The following COLGALT2 variants were observed in gnomAD, a reference collection of about 807,000 sequenced individuals.
The protein encoded by COLGALT2 is procollagen galactosyltransferase 2.
Under a neutral mutation model 73.4 loss-of-function variants are expected in COLGALT2, and 49 were observed. That is an observed-to-expected ratio of 0.67 (90% CI 0.53 to 0.85). COLGALT2 has a LOEUF of 0.85. Ranked by LOEUF, COLGALT2 falls within the 40% of genes least tolerant of loss-of-function variation. COLGALT2 has a pLI of 0.00. For missense variants in COLGALT2, 722 were observed against 790.2 expected, an observed-to-expected ratio of 0.91 and a Z score of 1.03; for synonymous variants, 295 against 307.6, an observed-to-expected ratio of 0.96 and a Z score of 0.43.
chr1:183,972,120 CT>C (rs909462165), intron 4 of COLGALT2, among the ~76,000 whole-genome samples: 1 of 152,152 alleles, frequency 6.6e-6, no homozygotes, highest in African/African-American at 2.4e-5. Flanking sequence ...CATACTCCCT[CT>C]TTTTTTGAGA....
chr1:183,965,815 G>C (rs6657956), intron 5 of COLGALT2, among the ~76,000 whole-genome samples: 32,301 of 152,082 alleles, frequency 0.21, 3,549 homozygotes, highest in Admixed American at 0.25. Context: ...ACTAATCATA[G>C]CCTATGAATG....
At chr1:183,948,838 A>T (rs1670316968) in intron 8 of COLGALT2, among the ~76,000 whole-genome samples, 1 of 152,206 alleles carries the variant, frequency 6.6e-6, no homozygotes, top group African/African-American at 2.4e-5. Flanking sequence ...ATATACACAC[A>T]CAAAGGAAAA....
intron 6 of COLGALT2, among the ~76,000 whole-genome samples, chr1:183,956,808 T>C (rs1278468220): frequency 5.9e-5 from 9 of 152,136 alleles, no homozygotes; most frequent in Admixed American, 5.9e-4. Context: ...AGAAGTGTGC[T>C]TGGGTTTTGC....
intron 1 of COLGALT2, among the ~76,000 whole-genome samples, chr1:184,000,783 C>T (rs1370534045): frequency 6.6e-6 from 1 of 150,696 alleles, no homozygotes; most frequent in Non-Finnish European, 1.5e-5. Flanking sequence ...GGAAGTGTTG[C>T]TAGGTGTACA....
chr1:183,945,477 C>G lies in COLGALT2; in HGVS notation c.1224G>C (p.Arg408Ser). 6.2e-7 allele frequency: 1 copy of G among 1,614,196 alleles called. No individual in the cohort carries two copies. Among genetic ancestry groups the G allele is most frequent in the Non-Finnish European group, 8.5e-7 (1 of 1,180,034 alleles). ...GGCTGAGAAAGCAGCCGATTTCACC[C>G]CTTGTTAGAGGCCTGGAGGAATAGG... is the stretch of plus-strand genomic sequence containing the variant. ...RDPYSSRPLT[R>S]GEIGCFLSHY... Residue 408 changes from arginine to serine, a missense_variant, in exon 9 of 12, where the codon AGG (arginine) becomes AGC (serine). By Grantham distance (110) the Arg-to-Ser change is moderately radical. Coordinates refer to ENST00000361927, the MANE Select transcript of COLGALT2 (RefSeq NM_015101.4).
chr1:184,030,042 G>A (rs1649458415), intron 1 of COLGALT2, among the ~76,000 whole-genome samples: 1 of 152,222 alleles, frequency 6.6e-6, no homozygotes, highest in Non-Finnish European at 1.5e-5. Flanking sequence ...AGGTGGTATA[G>A]AGTAGATGGG....
intron 2 of COLGALT2, among the ~76,000 whole-genome samples, chr1:183,975,804 C>T (rs1157347762): frequency 6.6e-6 from 1 of 152,206 alleles, no homozygotes; most frequent in Non-Finnish European, 1.5e-5. Context: ...TTCATGGCCA[C>T]ATAGGCAAGT....
chr1:183,951,768 T>G (rs930981191), intron 7 of COLGALT2, among the ~76,000 whole-genome samples: 9 of 152,350 alleles, frequency 5.9e-5, no homozygotes, highest in Middle Eastern at 3.4e-3. Flanking sequence ...ATGTCCATAC[T>G]ATCAAATGTG....
chr1:183,997,272 A>C (rs2102835362), intron 1 of COLGALT2, among the ~76,000 whole-genome samples: 1 of 152,054 alleles, frequency 6.6e-6, no homozygotes, highest in Middle Eastern at 3.4e-3. Flanking sequence ...TATATGTCTT[A>C]CTATAAATTT....
At chr1:183,957,689 G>A (rs1384702888) in intron 6 of COLGALT2, among the ~76,000 whole-genome samples, 2 of 151,238 alleles carry the variant, frequency 1.3e-5, no homozygotes, top group East Asian at 1.9e-4. Context: ...AACTGTAACA[G>A]TCACACTCAA....
chr1:183,964,109 T>C, intron 5 of COLGALT2, 89 bp from the exon 6 acceptor site: 1 of 1,429,542 alleles, frequency 7.0e-7, no homozygotes, highest in Non-Finnish European at 9.6e-7. Context: ...CTGTGTCTGA[T>C]GCTGAGTTTG....
intron 2 of COLGALT2, among the ~76,000 whole-genome samples, chr1:183,976,164 G>T (rs1402725345): frequency 6.6e-6 from 1 of 151,956 alleles, no homozygotes; most frequent in Admixed American, 6.6e-5. Context: ...AAACCTGGCT[G>T]CAGAGAACAT....
At chr1:183,964,777 T>C (rs1256903295) in intron 5 of COLGALT2, among the ~76,000 whole-genome samples, 2 of 152,144 alleles carry the variant, frequency 1.3e-5, no homozygotes, top group African/African-American at 2.4e-5. Flanking sequence ...GCTAGAAATA[T>C]AGGAATCAGG....
Position 183,938,650 on chromosome 1 carries a change from C to A in COLGALT2, c.*111G>T, listed in dbSNP as rs1670027930. Reference sequence around the variant, plus strand: ...ACACTAGATCACTTTGGTTAGATGACTGTGACCACTAAGAACAAAACAAAA... The same window carrying A: ...ACACTAGATCACTTTGGTTAGATGAATGTGACCACTAAGAACAAAACAAAA... On this transcript the variant is annotated 3_prime_UTR_variant, in exon 12 of 12. Transcript: ENST00000361927. 1 of 1,486,928 alleles carries A rather than the reference C, an allele frequency of 6.7e-7. No individual in the cohort carries two copies. The highest frequency in any genetic ancestry group is 8.9e-7 in the Non-Finnish European group (1 of 1,117,664). The allele number at this position is 1,486,928 out of a possible 1,614,324, so 92.1% of individuals were successfully genotyped here. A position where few individuals can be genotyped will look rare whatever the true frequency, so the allele number is the denominator to read the frequency against.
At chr1:183,975,760 A>G (rs957747016) in intron 2 of COLGALT2, among the ~76,000 whole-genome samples, 2 of 152,204 alleles carry the variant, frequency 1.3e-5, no homozygotes, top group African/African-American at 4.8e-5. Context: ...TGGGATCTCT[A>G]TCAAGATTCA....
downstream of COLGALT2, among the ~76,000 whole-genome samples, chr1:183,935,656 T>A (rs1304311337): frequency 6.6e-6 from 1 of 152,036 alleles, no homozygotes; most frequent in Admixed American, 6.5e-5. Flanking sequence ...ACCCATCAGT[T>A]TAAAACAACC....
At chr1:183,964,504 G>C (rs367920555) in intron 5 of COLGALT2, 1 of 157,318 alleles carries the variant, frequency 6.4e-6, no homozygotes, top group South Asian at 2.1e-4. Context: ...ACGAAAAAAC[G>C]AAGGAAATTT....
At chr1:183,969,533 T>C in intron 4 of COLGALT2, 60 bp from the exon 5 acceptor site, 1 of 1,457,992 alleles carries the variant, frequency 6.9e-7, no homozygotes, top group Non-Finnish European at 9.3e-7. Flanking sequence ...TCCTTCTCAG[T>C]CATTTGCTAG....
At position 184,037,387 on chromosome 1, in the gene COLGALT2, T is replaced by G; in HGVS notation, c.-30A>C. The stretch of plus-strand genomic sequence containing the variant: ...CGGGCCGAGGCGGGCGGCGGGGAAG[T>G]CCTGGCGCGAGCGCCCGGCTGGGCT... On this transcript the variant is annotated 5_prime_UTR_variant, in exon 1 of 12. Coordinates refer to ENST00000361927, the MANE Select transcript of COLGALT2 (RefSeq NM_015101.4). 1 of 1,355,112 alleles carries G rather than the reference T, an allele frequency of 7.4e-7. No homozygotes were observed. The highest frequency in any genetic ancestry group is 9.5e-7 in the Non-Finnish European group (1 of 1,055,770). 83.9% of individuals were successfully genotyped at this position (1,355,112 alleles called of 1,614,324 possible). A position where few individuals can be genotyped will look rare whatever the true frequency, so the allele number is the denominator to read the frequency against.
Sources: allele counts gnomAD v4.1 joint callset (sites outside exome capture counted in the v4.1 genomes callset), GRCh38; gene constraint gnomAD v4.1.1; transcripts MANE v1.5; gene names NCBI Gene and HGNC (gene_info 2026-07-23, HGNC 2026-07-21).